The following VSIG1 variants were observed in gnomAD, a reference collection of about 807,000 sequenced individuals.
The protein encoded by VSIG1 is V-set and immunoglobulin domain containing 1.
Under a neutral mutation model 20.1 loss-of-function variants are expected in VSIG1, and 11 were observed. The ratio of observed to expected loss-of-function variants is 0.55; its 90% CI spans 0.34 to 0.91. The LOEUF (loss-of-function observed/expected upper bound fraction) is 0.91, where lower values mean the gene tolerates loss of function less well. VSIG1 is among the 40% of genes least tolerant of loss of function. VSIG1 has a pLI of 0.02. For missense variants in VSIG1, 283 were observed against 298.8 expected (o/e 0.95, Z 0.39); for synonymous variants, 126 against 116.7 (o/e 1.08, Z -0.52).
intron 1 of VSIG1, among the ~76,000 whole-genome samples, chrX:108,051,604 A>G (rs1231790510): frequency 8.9e-6 from 1 of 111,900 alleles, no homozygotes; most frequent in Non-Finnish European, 1.9e-5. Flanking sequence ...ATCATCTGTC[A>G]TACCAAGAAT....
chrX:108,018,947 G>C, the VSIG1 span, among the ~76,000 whole-genome samples: 2 of 111,626 alleles, frequency 1.8e-5, no homozygotes, highest in African/African-American at 6.5e-5. Context: ...CTTCAGGGCA[G>C]CATATGCTGG....
chrX:108,064,964 G>C, intron 2 of VSIG1, among the ~76,000 whole-genome samples: 1 of 111,958 alleles, frequency 8.9e-6, no homozygotes, highest in Non-Finnish European at 1.9e-5. Context: ...TTTCTGGTTT[G>C]GAAGTCAAAC....
At chrX:108,066,183 A>G (rs2031121703) in intron 2 of VSIG1, among the ~76,000 whole-genome samples, 1 of 112,038 alleles carries the variant, frequency 8.9e-6, no homozygotes, top group African/African-American at 3.2e-5. Flanking sequence ...GTGGCTTCAG[A>G]TGGGTCACTT....
intron 2 of VSIG1, among the ~76,000 whole-genome samples, chrX:108,063,403 C>CT (rs751566525): frequency 1.8e-5 from 2 of 111,371 alleles, no homozygotes; most frequent in South Asian, 3.8e-4. Context: ...CCTCGGTGTC[C>CT]TTTTTTTGTA....
At chrX:108,025,906 G>A in the VSIG1 span, among the ~76,000 whole-genome samples, 4 of 112,193 alleles carry the variant, frequency 3.6e-5, no homozygotes, top group Non-Finnish European at 5.6e-5. Context: ...TTGCGATAAA[G>A]GAAGTTATAC....
Position 108,077,506 on chromosome X carries a change from A to G in VSIG1, c.*125A>G. Reference sequence around the variant, plus strand: ...CCAACCTTCTTCTAACAAGGTGCTCATTCCTACTATGAATCCAGAATAAAC... The same window carrying G: ...CCAACCTTCTTCTAACAAGGTGCTCGTTCCTACTATGAATCCAGAATAAAC... On this transcript the variant is annotated 3_prime_UTR_variant, in exon 7 of 7. Transcript: ENST00000217957. The G allele has an allele frequency of 2.5e-6, 2 of 796,337 alleles. No homozygotes were observed. The highest frequency in any genetic ancestry group is 5.5e-5 in the South Asian group (2 of 36,093). 65.6% of individuals were successfully genotyped at this position (796,337 alleles called of 1,213,427 possible).
Position 108,077,350 on chromosome X carries a change from G to GGT in VSIG1, c.1133_1134insGT (p.Ser378ArgfsTer16). On this transcript the variant is annotated frameshift_variant, in exon 7 of 7. Transcript: ENST00000217957. LOFTEE classifies it high-confidence loss of function. ...CCTGGGGTTGTAGTTGAGCCCTTAA[G>GGT]TGAAGATGAAAAGGGAGTGGTTAAG... The GGT allele has an allele frequency of 1.7e-6, 2 of 1,212,002 alleles. No individual in the cohort carries two copies. The highest frequency in any genetic ancestry group is 2.2e-6 in the Non-Finnish European group (2 of 895,567).
chrX:108,063,487 C>A (rs746851038), intron 2 of VSIG1, among the ~76,000 whole-genome samples: 1 of 111,000 alleles, frequency 9.0e-6, no homozygotes, highest in Non-Finnish European at 1.9e-5. Context: ...GTATTTCAGT[C>A]GGCCTGCCCA....
At chrX:108,038,685 C>T in the VSIG1 span, among the ~76,000 whole-genome samples, 1 of 111,767 alleles carries the variant, frequency 8.9e-6, no homozygotes, top group Non-Finnish European at 1.9e-5. Context: ...AGCTTAAATG[C>T]CTTTTTAAAA....
the VSIG1 span, among the ~76,000 whole-genome samples, chrX:108,037,681 C>T: frequency 8.9e-6 from 1 of 112,340 alleles, no homozygotes; most frequent in East Asian, 2.8e-4. Flanking sequence ...AAAAAATACT[C>T]CAAATGGATT....
chrX:108,066,967 C>A lies in VSIG1; in HGVS notation c.245C>A (p.Ala82Asp). Residue 82 changes from alanine to aspartate, a missense_variant, in exon 3 of 7, where the codon GCC becomes GAC. By Grantham distance (126) the Ala-to-Asp change is moderately radical (BLOSUM62 -2). Coordinates refer to ENST00000217957, the MANE Select transcript of VSIG1 (RefSeq NM_182607.5). ...TTTTCTCAAGGTGGACAAGCTGTAG[C>A]CATCGGGCAATTTAAAGATCGAATT... Reference protein sequence around the residue: ...IYFSQGGQAVAIGQFKDRITG... With the variant: ...IYFSQGGQAVDIGQFKDRITG... 1 of 1,211,217 alleles carries A rather than the reference C, an allele frequency of 8.3e-7. No individual in the cohort carries two copies. Among genetic ancestry groups the A allele is most frequent in the East Asian group, 3.0e-5 (1 of 33,836 alleles).
At chrX:108,065,598 T>TA (rs961708339) in intron 2 of VSIG1, among the ~76,000 whole-genome samples, 2 of 112,198 alleles carry the variant, frequency 1.8e-5, no homozygotes, top group African/African-American at 6.5e-5. Flanking sequence ...GTCATTCATG[T>TA]ACCATCTACA....
At chrX:108,025,559 G>T in the VSIG1 span, among the ~76,000 whole-genome samples, 2 of 112,295 alleles carry the variant, frequency 1.8e-5, no homozygotes, top group East Asian at 5.5e-4. Flanking sequence ...AAATATATGC[G>T]CAATTGTGTG....
chrX:108,077,720 T>A lies in VSIG1; in HGVS notation c.*339T>A, dbSNP rs1195688287. The A allele has an allele frequency of 3.2e-5, 6 of 190,325 alleles. No individual in the cohort carries two copies. Among genetic ancestry groups the A allele is most frequent in the Middle Eastern group, 1.8e-3 (1 of 558 alleles). 15.7% of individuals were successfully genotyped at this position (190,325 alleles called of 1,213,427 possible). On this transcript the variant is annotated 3_prime_UTR_variant, in exon 7 of 7. Transcript: ENST00000217957. ...TCTCTTTTTAACTACTCTTTTTTTTTATTTTAGACAGAGTCTTGCTCCGTC... is the reference window on the plus strand; with the variant it reads ...TCTCTTTTTAACTACTCTTTTTTTTAATTTTAGACAGAGTCTTGCTCCGTC...
At chrX:108,020,414 A>G in the VSIG1 span, among the ~76,000 whole-genome samples, 1 of 111,974 alleles carries the variant, frequency 8.9e-6, no homozygotes, top group African/African-American at 3.2e-5. Context: ...TTTCTGTGTT[A>G]TCTTGGAGAT....
At position 108,077,431 on chromosome X, in the gene VSIG1, T is replaced by C; in HGVS notation, c.*50T>C. On this transcript the variant is annotated 3_prime_UTR_variant, in exon 7 of 7. Transcript: ENST00000217957. ...ATCATTAAGGAACCCATTACTGCCA[T>C]TTGGAATTCAAATAACCTAACCAAC... is the stretch of plus-strand genomic sequence containing the variant. 3 of 1,149,132 alleles carry C rather than the reference T, an allele frequency of 2.6e-6. No individual in the cohort carries two copies. In the South Asian group the frequency reaches 6.2e-5, roughly 24 times the overall value. The allele number at this position is 1,149,132 out of a possible 1,213,427, so 94.7% of individuals were successfully genotyped here.
intron 2 of VSIG1, 75 bp from the exon 3 acceptor site, chrX:108,066,861 T>C (rs1340505335): frequency 1.7e-5 from 17 of 976,748 alleles, no homozygotes; most frequent in Non-Finnish European, 2.2e-5. Context: ...GTAATGTGTT[T>C]AGAAGAAGCT....
the VSIG1 span, among the ~76,000 whole-genome samples, chrX:108,031,072 C>T: frequency 1.8e-5 from 2 of 112,016 alleles, no homozygotes; most frequent in African/African-American, 6.5e-5. Flanking sequence ...CTACCTACAG[C>T]CCAGCTCTAA....
intron 2 of VSIG1, among the ~76,000 whole-genome samples, chrX:108,063,977 C>A (rs896013328): frequency 8.9e-6 from 1 of 112,168 alleles, no homozygotes; most frequent in Non-Finnish European, 1.9e-5. Flanking sequence ...AATATTCTTT[C>A]TTTGAAAAGT....
Sources: allele counts gnomAD v4.1 joint callset (sites outside exome capture counted in the v4.1 genomes callset), GRCh38; gene constraint gnomAD v4.1.1; transcripts MANE v1.5; gene names NCBI Gene and HGNC (gene_info 2026-07-23, HGNC 2026-07-21).